FDX1: variants seen among roughly 807,000 people sequenced by gnomAD.
The protein encoded by FDX1 is adrenodoxin, mitochondrial.
In FDX1, 9 loss-of-function variants were observed where a neutral mutation model predicts 14.9. That is an observed-to-expected ratio of 0.60 (90% CI 0.36 to 1.05). The LOEUF is 1.05. Ranked by LOEUF, FDX1 falls within the 50% of genes least tolerant of loss-of-function variation. FDX1 has a pLI of 0.01. For synonymous variants in FDX1, 92 were observed against 99.4 expected (o/e 0.93, Z 0.44); for missense variants, 204 against 237.2 (o/e 0.86, Z 0.92).
Position 110,434,334 on chromosome 11 carries a change from A to ATTTGCT in FDX1, c.186-1497_186-1496insGCTTTT, listed in dbSNP as rs71476086. Among the ~76,000 whole-genome samples, 30 of 126,382 alleles carry ATTTGCT rather than the reference A, an allele frequency of 2.4e-4. 3 individuals are homozygous for ATTTGCT. Among genetic ancestry groups the ATTTGCT allele is most frequent in the South Asian group, 5.1e-4 (2 of 3,942 alleles). 82.9% of individuals were successfully genotyped at this position (126,382 alleles called of 152,430 possible). ...CACTGGAAAAGCAATCGCCCTATTG[A>ATTTGCT]TTTTTTTTTTTTTTTTTTTGGAGAC... On this transcript the variant is annotated intron_variant, in intron 1 of 3. Transcript: ENST00000260270.
At chr11:110,449,384 A>T (rs371620299) in intron 2 of FDX1, among the ~76,000 whole-genome samples, 2 of 152,204 alleles carry the variant, frequency 1.3e-5, no homozygotes, top group African/African-American at 4.8e-5. Context: ...CTAAGGCATG[A>T]AGTATGTTAT....
At chr11:110,455,523 T>A (rs1946516362) in intron 2 of FDX1, among the ~76,000 whole-genome samples, 1 of 152,160 alleles carries the variant, frequency 6.6e-6, no homozygotes. Flanking sequence ...ACAGTGGCTT[T>A]AAAAAAACTG....
Position 110,430,120 on chromosome 11 carries a change from G to A in FDX1, c.-1G>A, listed in dbSNP as rs1946319404. 1 of 1,236,672 alleles carries A rather than the reference G, an allele frequency of 8.1e-7. No individual in the cohort carries two copies. Among genetic ancestry groups the A allele is most frequent in the Non-Finnish European group, 1.0e-6 (1 of 992,758 alleles). The allele number at this position is 1,236,672 out of a possible 1,614,324, so 76.6% of individuals were successfully genotyped here. A position where few individuals can be genotyped will look rare whatever the true frequency, so the allele number is the denominator to read the frequency against. ...CTTCCGGCAGTTCCCGACCGCGGGC[G>A]ATGGCTGCCGCTGGGGGCGCCCGGC... On this transcript the variant is annotated 5_prime_UTR_variant, in exon 1 of 4. Coordinates refer to ENST00000260270, the MANE Select transcript of FDX1 (RefSeq NM_004109.5).
At chr11:110,444,705 C>CACATATATAT (rs1491350725) in intron 2 of FDX1, among the ~76,000 whole-genome samples, 16 of 36,666 alleles carry the variant, frequency 4.4e-4, no homozygotes, top group African/African-American at 1.8e-3. Flanking sequence ...TATATATATA[C>CACATATATAT]GTATATATAT....
At chr11:110,452,484 A>G (rs1255164448) in intron 2 of FDX1, among the ~76,000 whole-genome samples, 1 of 152,192 alleles carries the variant, frequency 6.6e-6, no homozygotes, top group Non-Finnish European at 1.5e-5. Context: ...GCTCATAAAA[A>G]GATTGAGGGG....
chr11:110,431,044 G>A (rs1351348031), intron 1 of FDX1, among the ~76,000 whole-genome samples: 4 of 152,182 alleles, frequency 2.6e-5, no homozygotes, highest in Non-Finnish European at 2.9e-5. Flanking sequence ...AGTTAATACA[G>A]CGATACAGGT....
rs1946526055 is a variant in FDX1 at position 110,456,928 on chromosome 11, G to C, written c.321G>C (p.Glu107Asp). ...TGTTGCTTTTGTCAGGTGCATGTGA[G>C]GGAACCCTGGCTTGTTCAACCTGTC... ...NLDIDGFGAC[E>D]GTLACSTCHL... The change falls in exon 3 of 4, where the codon GAG (glutamate) becomes GAC (aspartate). Residue 107 changes from glutamate (E) to aspartate (D), a missense_variant. Physicochemically the swap from Glu to Asp is conservative, Grantham distance 45. Coordinates refer to ENST00000260270, the MANE Select transcript of FDX1 (RefSeq NM_004109.5). 1 of 1,611,536 alleles carries C rather than the reference G, an allele frequency of 6.2e-7. No homozygotes were observed. The highest frequency in any genetic ancestry group is 8.5e-7 in the Non-Finnish European group (1 of 1,178,794).
chr11:110,435,567 G>T (rs1946362793), intron 1 of FDX1, among the ~76,000 whole-genome samples: 1 of 152,138 alleles, frequency 6.6e-6, no homozygotes, highest in Non-Finnish European at 1.5e-5. Context: ...AATACCTTCG[G>T]CTAGGCATGG....
intron 1 of FDX1, among the ~76,000 whole-genome samples, 163 bp downstream of exon 1, chr11:110,430,468 C>T (rs1946323274): frequency 6.6e-6 from 1 of 152,194 alleles, no homozygotes; most frequent in Non-Finnish European, 1.5e-5. Context: ...TCTCGCGGCT[C>T]CGTCTCGCTG....
intron 2 of FDX1, among the ~76,000 whole-genome samples, chr11:110,449,296 ATGG>A (rs1372950231): frequency 6.6e-6 from 1 of 152,238 alleles, no homozygotes; most frequent in Non-Finnish European, 1.5e-5. Context: ...CCAAGCCAGG[ATGG>A]TGGCTAAAAT....
intron 3 of FDX1, among the ~76,000 whole-genome samples, chr11:110,460,156 T>C (rs1159387024): frequency 1.3e-5 from 2 of 152,256 alleles, no homozygotes; most frequent in Non-Finnish European, 2.9e-5. Flanking sequence ...GCTTAATGCA[T>C]AATTGAGTAT....
chr11:110,454,445 T>C (rs765614249), intron 2 of FDX1, among the ~76,000 whole-genome samples: 2 of 152,286 alleles, frequency 1.3e-5, no homozygotes, highest in Middle Eastern at 3.4e-3. Flanking sequence ...ATTTAATGTA[T>C]AAGTAAGGCA....
At chr11:110,448,187 T>C (rs1009459799) in intron 2 of FDX1, among the ~76,000 whole-genome samples, 2 of 152,168 alleles carry the variant, frequency 1.3e-5, no homozygotes, top group African/African-American at 4.8e-5. Context: ...CAATATTACC[T>C]GTTTTCTTCA....
chr11:110,447,252 A>AC (rs1296438362), intron 2 of FDX1, among the ~76,000 whole-genome samples: 2 of 126,720 alleles, frequency 1.6e-5, no homozygotes, highest in Non-Finnish European at 3.3e-5. Context: ...ACATAATGAA[A>AC]CCCCGTCTCT....
At chr11:110,437,036 C>T (rs1175018120) in intron 2 of FDX1, among the ~76,000 whole-genome samples, 1 of 152,136 alleles carries the variant, frequency 6.6e-6, no homozygotes, top group Admixed American at 6.5e-5. Context: ...TGCTCTGTCA[C>T]CCAGGCTGAA....
At chr11:110,461,563 A>G (rs1946556883) in intron 3 of FDX1, among the ~76,000 whole-genome samples, 1 of 152,002 alleles carries the variant, frequency 6.6e-6, no homozygotes, top group Admixed American at 6.6e-5. Flanking sequence ...TCTGCAAAAA[A>G]AAAAGGAAAT....
chr11:110,440,372 C>A (rs192341518), intron 2 of FDX1, among the ~76,000 whole-genome samples: 1 of 152,214 alleles, frequency 6.6e-6, no homozygotes, highest in East Asian at 1.9e-4. Context: ...TGAGATCTTT[C>A]TAACTCCTCA....
At chr11:110,459,211 A>G (rs1946541806) in intron 3 of FDX1, among the ~76,000 whole-genome samples, 2 of 152,286 alleles carry the variant, frequency 1.3e-5, no homozygotes, top group East Asian at 3.9e-4. Context: ...CAGATTCCTT[A>G]TATGTAAGGT....
At chr11:110,459,571 A>C (rs1946543990) in intron 3 of FDX1, among the ~76,000 whole-genome samples, 1 of 152,224 alleles carries the variant, frequency 6.6e-6, no homozygotes. Flanking sequence ...TACTATTTCA[A>C]GCTGCTTCTC....
Sources: gnomAD v4.1 joint callset for allele counts (sites outside exome capture counted in the v4.1 genomes callset) on GRCh38, gnomAD v4.1.1 for gene constraint, MANE v1.5 for transcripts, NCBI Gene and HGNC (gene_info 2026-07-23, HGNC 2026-07-21) for gene names.